The following SIPA1L2 variants were observed in gnomAD, a reference collection of about 807,000 sequenced individuals.
SIPA1L2 encodes signal induced proliferation associated 1 like 2, also known as signal-induced proliferation-associated 1-like protein 2.
Under a neutral mutation model 163.9 loss-of-function variants are expected in SIPA1L2, and 56 were observed. That is an observed-to-expected ratio of 0.34 (90% CI 0.28 to 0.43). The LOEUF is 0.43. SIPA1L2 is among the 20% of genes least tolerant of loss of function. SIPA1L2 has a pLI of 1.00. For synonymous variants in SIPA1L2, 877 were observed against 865.7 expected (o/e 1.01, Z -0.23); for missense variants, 1,974 against 2,193.5 (o/e 0.90, Z 2.00).
intron 1 of SIPA1L2, among the ~76,000 whole-genome samples, chr1:232,593,499 C>T (rs1661072760): frequency 6.6e-6 from 1 of 152,038 alleles, no homozygotes; most frequent in Non-Finnish European, 1.5e-5. Flanking sequence ...AAATGTAGCT[C>T]GCAGAATAAG....
intron 22 of SIPA1L2, 150 bp downstream of exon 22, chr1:232,402,242 G>T: frequency 1.8e-6 from 1 of 570,636 alleles, no homozygotes; most frequent in South Asian, 2.1e-5. Context: ...AGCAGATGGA[G>T]TGAGACCTCA....
intron 16 of SIPA1L2, 47 bp from the exon 17 acceptor site, chr1:232,428,611 C>G: frequency 1.4e-6 from 2 of 1,398,466 alleles, no homozygotes; most frequent in African/African-American, 1.5e-5. Flanking sequence ...TGTAAAGTGC[C>G]TGTAGTGGTA....
intron 1 of SIPA1L2, among the ~76,000 whole-genome samples, chr1:232,608,663 G>A (rs1023905803): frequency 2.0e-5 from 3 of 152,056 alleles, no homozygotes; most frequent in Admixed American, 6.6e-5. Flanking sequence ...GTTTCTCTGC[G>A]TGCTGCACAC....
In SIPA1L2 at chr1:232,439,180, G is replaced by A. The variant is rs771003729; in HGVS notation, c.3959C>T (p.Ala1320Val). 10 of 1,613,486 alleles carry A rather than the reference G, an allele frequency of 6.2e-6. No individual in the cohort carries two copies. Among genetic ancestry groups the A allele is most frequent in the African/African-American group, 2.7e-5 (2 of 74,944 alleles). ...PAKLYSVHGY[A>V]STISAGSAAE... is the part of the protein sequence containing the mutation. ...AGCACTGCCGGCGGAGATGGTGGAC[G>A]CGTAGCCATGCACAGAATATAACTT... The change falls in exon 15 of 23, where the codon GCG (alanine) becomes GTG (valine). Residue 1320 changes from alanine (A) to valine (V), a missense_variant. Physicochemically the swap from Ala to Val is moderately conservative, Grantham distance 64. Transcript: ENST00000674635.
At chr1:232,495,202 G>A (rs567724620) in intron 3 of SIPA1L2, among the ~76,000 whole-genome samples, 46 of 152,272 alleles carry the variant, frequency 3.0e-4, no homozygotes, top group Non-Finnish European at 2.9e-5. Context: ...GCAACCAAAT[G>A]GGATTAGTAC....
At chr1:232,487,010 A>G (rs1423998722) in intron 5 of SIPA1L2, among the ~76,000 whole-genome samples, 1 of 152,232 alleles carries the variant, frequency 6.6e-6, no homozygotes. Context: ...GTTTGATAAG[A>G]GCTGTGCCAG....
At chr1:232,463,610 T>C (rs1297160139) in intron 9 of SIPA1L2, among the ~76,000 whole-genome samples, 1 of 152,242 alleles carries the variant, frequency 6.6e-6, no homozygotes, top group African/African-American at 2.4e-5. Context: ...AAAGTACATT[T>C]TTGTGGTTGG....
At chr1:232,487,380 T>C (rs1445520935) in intron 5 of SIPA1L2, among the ~76,000 whole-genome samples, 1 of 152,208 alleles carries the variant, frequency 6.6e-6, no homozygotes, top group Non-Finnish European at 1.5e-5. Flanking sequence ...GCATGTAATC[T>C]CATTTATTTA....
At position 232,541,242 on chromosome 1, in the gene SIPA1L2, TAACATTAACATAACATAACA is replaced by T. The variant is rs1204182457; in HGVS notation, c.-269-25654_-269-25635del. ...TGCACATGTATCACATCACATAACA[TAACATTAACATAACATAACA>T]TAACATAACATAACATAACATAACA... On this transcript the variant is annotated intron_variant, in intron 2 of 22. Transcript: ENST00000674635. Among the ~76,000 whole-genome samples, 85 of 142,006 alleles carry T rather than the reference TAACATTAACATAACATAACA, an allele frequency of 6.0e-4. 1 individual carries two copies. The highest frequency in any genetic ancestry group is 2.3e-3 in the African/African-American group (83 of 36,862). 93.2% of individuals were successfully genotyped at this position (142,006 alleles called of 152,430 possible).
intron 17 of SIPA1L2, 59 bp downstream of exon 17, chr1:232,428,348 GACTT>G: frequency 1.8e-6 from 2 of 1,112,096 alleles, no homozygotes. Context: ...AGTTTCTTTA[GACTT>G]TTTTTTTTTT....
rs1664467442 is a variant in SIPA1L2 at position 232,465,539 on chromosome 1, CATACACACAT to C, written c.2244-133_2244-124del. ...ACATACACACACACACACACATATA[CATACACACAT>C]ACACACACACTTTCAACTTAACTGG... On this transcript the variant is annotated intron_variant, in intron 8 of 22. Transcript: ENST00000674635. The surrounding 1 kb of genome is among the most constrained non-coding windows in gnomAD (Gnocchi z 4.1). 5 of 749,550 alleles carry C rather than the reference CATACACACAT, an allele frequency of 6.7e-6. No individual in the cohort carries two copies. Among genetic ancestry groups the C allele is most frequent in the African/African-American group, 5.4e-5 (3 of 55,068 alleles). 46.4% of individuals were successfully genotyped at this position (749,550 alleles called of 1,614,324 possible). A position where few individuals can be genotyped will look rare whatever the true frequency, so the allele number is the denominator to read the frequency against.
chr1:232,623,735 G>A (rs1451363406), intron 1 of SIPA1L2, among the ~76,000 whole-genome samples: 1 of 152,094 alleles, frequency 6.6e-6, no homozygotes, highest in African/African-American at 2.4e-5. Context: ...AGACCCACAA[G>A]CAATTCTGGA....
intron 3 of SIPA1L2, among the ~76,000 whole-genome samples, chr1:232,500,396 G>A (rs1926314): frequency 0.39 from 58,638 of 152,060 alleles, 12,753 homozygotes; most frequent in East Asian, 0.72. Context: ...AAAATTGGAA[G>A]CCTGGAAGGG....
chr1:232,522,417 C>T (rs1458349451), intron 2 of SIPA1L2, among the ~76,000 whole-genome samples: 1 of 151,994 alleles, frequency 6.6e-6, no homozygotes, highest in African/African-American at 2.4e-5. Flanking sequence ...TGTTATCCAT[C>T]ACACCTCAGT....
rs899182649 is a variant in SIPA1L2, at chr1:232,496,973, A to G, written c.1484-3313T>C. ...ATAACAAGATCCAAAAGAATTTCAA[A>G]TTATTGTAGGGAGTACAAAAGTAAA... On this transcript the variant is annotated intron_variant, in intron 3 of 22. Transcript: ENST00000674635. Among the ~76,000 whole-genome samples, 4 of 152,248 alleles carry G rather than the reference A, an allele frequency of 2.6e-5. 1 individual carries two copies. Among genetic ancestry groups the G allele is most frequent in the African/African-American group, 9.6e-5 (4 of 41,468 alleles).
At chr1:232,420,906 C>T (rs546419432) in intron 18 of SIPA1L2, among the ~76,000 whole-genome samples, 7 of 152,306 alleles carry the variant, frequency 4.6e-5, no homozygotes, top group Middle Eastern at 3.4e-3. Context: ...GCTCCCCACA[C>T]GAAGCACGGT....
rs1296275865 is a variant in SIPA1L2, at chr1:232,465,294, T to C, written c.2366A>G (p.Asn789Ser). The change falls in exon 9 of 23, where the codon AAT becomes AGT. Residue 789 changes from asparagine to serine, a missense_variant. Coordinates refer to ENST00000674635, the MANE Select transcript of SIPA1L2 (RefSeq NM_020808.5). The surrounding 1 kb of genome is among the most constrained non-coding windows in gnomAD (Gnocchi z 4.1). The stretch of plus-strand genomic sequence containing the variant: ...AAACTTTTCTGATTTATGGGCTGCA[T>C]TTTCTGCATTGATTACTTTGGCTAA... ...FLLAKVINAE[N>S]AAHKSEKFRA... is the part of the protein sequence containing the mutation. 5.6e-6 allele frequency: 9 copies of C among 1,614,070 alleles called. No homozygotes were observed. Among genetic ancestry groups the C allele is most frequent in the Non-Finnish European group, 7.6e-6 (9 of 1,180,032 alleles).
intron 1 of SIPA1L2, among the ~76,000 whole-genome samples, chr1:232,606,822 G>A (rs150381547): frequency 6.6e-6 from 1 of 151,764 alleles, no homozygotes; most frequent in Non-Finnish European, 1.5e-5. Context: ...CAAAGCATAC[G>A]TGAAACTAAA....
intron 7 of SIPA1L2, among the ~76,000 whole-genome samples, chr1:232,478,940 C>T (rs1665179844): frequency 6.6e-6 from 1 of 152,174 alleles, no homozygotes; most frequent in Non-Finnish European, 1.5e-5. Context: ...CTCAAGTGAT[C>T]CTCCAAGTCT....
Sources: gnomAD v4.1 joint callset for allele counts (sites outside exome capture counted in the v4.1 genomes callset) on GRCh38, gnomAD v4.1.1 for gene constraint, Gnocchi (gnomAD v3.1) non-coding constraint, MANE v1.5 for transcripts, NCBI Gene and HGNC (gene_info 2026-07-23, HGNC 2026-07-21) for gene names.